PPM1H: variants seen among roughly 807,000 people sequenced by gnomAD.
The protein encoded by PPM1H is protein phosphatase, Mg2+/Mn2+ dependent 1H, also known as protein phosphatase 1H.
PPM1H carries 27 observed loss-of-function variants against 54.9 expected under a neutral mutation model. That is an observed-to-expected ratio of 0.49 (90% CI 0.36 to 0.68). The LOEUF (loss-of-function observed/expected upper bound fraction) is 0.68. Ranked by LOEUF, PPM1H falls within the 30% of genes least tolerant of loss-of-function variation. The pLI, the probability that PPM1H is intolerant of heterozygous loss-of-function variation, is 0.00. For synonymous variants in PPM1H, 305 were observed against 270.8 expected (o/e 1.13, Z -1.24); for missense variants, 596 against 667.8 (o/e 0.89, Z 1.19).
At chr12:62,907,866 C>T (rs1871345778) in intron 1 of PPM1H, among the ~76,000 whole-genome samples, 1 of 152,184 alleles carries the variant, frequency 6.6e-6, no homozygotes, top group Non-Finnish European at 1.5e-5. Context: ...ACCCTTCTCC[C>T]CCTCATGGCT....
intron 4 of PPM1H, among the ~76,000 whole-genome samples, chr12:62,781,758 T>C (rs1565786962): frequency 1.3e-5 from 2 of 152,344 alleles, no homozygotes; most frequent in East Asian, 3.9e-4. Context: ...GAAGGGCCTC[T>C]CGGGTGCCCT....
rs555463128 is a variant in PPM1H, at chr12:62,893,403, TATAAGG to T, written c.245+41083_245+41088del. On this transcript the variant is annotated intron_variant, in intron 1 of 9. Transcript: ENST00000228705. ...TGTCTGTGTACTAATCTCCTTTTCT[TATAAGG>T]ATATCAGTCATATTGAGTCATAATG... is the stretch of plus-strand genomic sequence containing the variant. Among the ~76,000 whole-genome samples the T allele has an allele frequency of 2.2e-3, 334 of 152,294 alleles. 1 individual carries two copies. Among genetic ancestry groups the T allele is most frequent in the Non-Finnish European group, 3.7e-3 (251 of 68,026 alleles).
intron 4 of PPM1H, chr12:62,755,931 T>A (rs2120592322): frequency 1.2e-6 from 1 of 817,242 alleles, no homozygotes; most frequent in Non-Finnish European, 2.1e-6. Flanking sequence ...GCCTTCTGTG[T>A]CCCTACTGCC....
chr12:62,728,894 G>C (rs754383086), intron 5 of PPM1H, among the ~76,000 whole-genome samples: 36 of 152,166 alleles, frequency 2.4e-4, no homozygotes, highest in Non-Finnish European at 5.0e-4. Context: ...ACTCAAAATT[G>C]CTTGCTAGGG....
At chr12:62,880,426 G>A (rs1040532448) in intron 1 of PPM1H, among the ~76,000 whole-genome samples, 3 of 152,130 alleles carry the variant, frequency 2.0e-5, no homozygotes, top group African/African-American at 7.2e-5. Flanking sequence ...ACTAGATCGG[G>A]GGGCTTCCCC....
intron 3 of PPM1H, among the ~76,000 whole-genome samples, chr12:62,791,915 C>T (rs1427151023): frequency 2.0e-5 from 3 of 152,082 alleles, no homozygotes; most frequent in Non-Finnish European, 4.4e-5. Flanking sequence ...GGCAACAGAG[C>T]GAGACTTCAT....
chr12:62,895,753 G>A (rs1014425408), intron 1 of PPM1H, among the ~76,000 whole-genome samples: 7 of 152,018 alleles, frequency 4.6e-5, no homozygotes, highest in East Asian at 1.9e-4. Context: ...TTCCTCTCAC[G>A]CCATCTGATC....
chr12:62,775,045 T>C lies in PPM1H; in HGVS notation c.869+13181A>G, dbSNP rs1187552657. On this transcript the variant is annotated intron_variant, in intron 4 of 9. Coordinates refer to ENST00000228705, the MANE Select transcript of PPM1H (RefSeq NM_020700.2). Reference sequence around the variant, plus strand: ...GATTCTGATTCAGTAAGCCTGAGAATAGGGGCCCTGCAACTTTCATTACTG... The same window carrying C: ...GATTCTGATTCAGTAAGCCTGAGAACAGGGGCCCTGCAACTTTCATTACTG... Among the ~76,000 whole-genome samples, 6 of 152,240 alleles carry C rather than the reference T, an allele frequency of 3.9e-5. No individual in the cohort carries two copies. The East Asian group carries it at 1.2e-3, about 29-fold the overall frequency.
At chr12:62,740,831 C>T (rs775119056) in intron 4 of PPM1H, among the ~76,000 whole-genome samples, 7 of 152,174 alleles carry the variant, frequency 4.6e-5, no homozygotes, top group Non-Finnish European at 7.3e-5. Flanking sequence ...TGAAGTCCTT[C>T]GGAGAGCAGG....
At chr12:62,893,035 T>C (rs756672887) in intron 1 of PPM1H, among the ~76,000 whole-genome samples, 12 of 152,150 alleles carry the variant, frequency 7.9e-5, no homozygotes, top group Non-Finnish European at 1.0e-4. Flanking sequence ...TGGGCTACAG[T>C]CTAGAGAAGG....
At chr12:62,703,814 C>T (rs531040466) in intron 6 of PPM1H, among the ~76,000 whole-genome samples, 25 of 152,278 alleles carry the variant, frequency 1.6e-4, no homozygotes, top group Non-Finnish European at 2.9e-4. Flanking sequence ...GCAACCACCT[C>T]GTGCTTCCTT....
chr12:62,896,174 T>C (rs1252955279), intron 1 of PPM1H, among the ~76,000 whole-genome samples: 1 of 152,088 alleles, frequency 6.6e-6, no homozygotes, highest in African/African-American at 2.4e-5. Context: ...ATTAAAAAAA[T>C]TGCCAGTGTT....
intron 1 of PPM1H, among the ~76,000 whole-genome samples, chr12:62,929,711 C>T (rs1301834012): frequency 1.3e-5 from 2 of 152,050 alleles, no homozygotes; most frequent in African/African-American, 4.8e-5. Context: ...AGGAGCTCCA[C>T]CTAAGGGGGA....
chr12:62,775,304 G>A (rs1398719573), intron 4 of PPM1H, among the ~76,000 whole-genome samples: 1 of 152,194 alleles, frequency 6.6e-6, no homozygotes, highest in Non-Finnish European at 1.5e-5. Flanking sequence ...AGTTCAGGGG[G>A]CTTCACAGTC....
At chr12:62,648,687 CCAGGGTCAAGTGAGG>C (rs2075799952) in intron 9 of PPM1H, 51 bp from the exon 10 acceptor site, 1 of 1,586,360 alleles carries the variant, frequency 6.3e-7, no homozygotes, top group Non-Finnish European at 8.6e-7. Context: ...CAGACAGAAG[CCAGGGTCAAGTGAGG>C]CTGGGAAGGG....
chr12:62,779,720 CAG>C (rs1399130045), intron 4 of PPM1H, among the ~76,000 whole-genome samples: 1 of 152,234 alleles, frequency 6.6e-6, no homozygotes, highest in African/African-American at 2.4e-5. Flanking sequence ...CATCTGAGTC[CAG>C]AGTCCCTGCT....
chr12:62,845,126 C>A (rs1201986156), intron 1 of PPM1H, among the ~76,000 whole-genome samples: 4 of 152,242 alleles, frequency 2.6e-5, no homozygotes, highest in Admixed American at 1.3e-4. Flanking sequence ...TTTACAACAT[C>A]AAAAGACTAC....
chr12:62,770,193 A>T (rs2076570416), intron 4 of PPM1H, among the ~76,000 whole-genome samples: 2 of 152,118 alleles, frequency 1.3e-5, no homozygotes, highest in South Asian at 4.1e-4. Context: ...TATAGTAATA[A>T]AACACTTATT....
intron 4 of PPM1H, among the ~76,000 whole-genome samples, chr12:62,786,369 T>C (rs907437149): frequency 1.3e-4 from 20 of 152,226 alleles, no homozygotes; most frequent in Admixed American, 1.3e-3. Flanking sequence ...GCTGGTTCTT[T>C]TCCATCTGTC....
Sources: allele counts gnomAD v4.1 joint callset (sites outside exome capture counted in the v4.1 genomes callset), GRCh38; gene constraint gnomAD v4.1.1; transcripts MANE v1.5; gene names NCBI Gene and HGNC (gene_info 2026-07-23, HGNC 2026-07-21).